The following SLIT3 variants were observed in gnomAD, a reference collection of about 807,000 sequenced individuals.
SLIT3 encodes slit guidance ligand 3.
In SLIT3, 68 loss-of-function variants were observed where a neutral mutation model predicts 184.0. That is an observed-to-expected ratio of 0.37 (90% CI 0.30 to 0.45). SLIT3 has a LOEUF of 0.45. Among genes scored for constraint, SLIT3 ranks in the 20% least tolerant of loss-of-function variants. SLIT3 has a pLI of 1.00. For missense variants in SLIT3, 1,707 were observed against 2,026.0 expected (o/e 0.84, Z 3.02); for synonymous variants, 831 against 828.6 (o/e 1.00, Z -0.05).
Position 168,862,636 on chromosome 5 carries a change from A to C in SLIT3, c.486-17981T>G, listed in dbSNP as rs190809828. 5.9e-5 allele frequency among the ~76,000 whole-genome samples: 9 copies of C among 151,598 alleles called. No individual in the cohort carries two copies. The East Asian group carries it at 1.5e-3, about 26-fold the overall frequency. ...TCTCTAATCTATGTAAATCCTAGAG[A>C]TCACTCAATAGAACATTGGTTTTTT... is the stretch of plus-strand genomic sequence containing the variant. On this transcript the variant is annotated intron_variant, in intron 5 of 35. Coordinates refer to ENST00000519560, the MANE Select transcript of SLIT3 (RefSeq NM_003062.4).
chr5:168,905,108 C>T (rs549539435), intron 4 of SLIT3, among the ~76,000 whole-genome samples: 4 of 152,164 alleles, frequency 2.6e-5, no homozygotes, highest in East Asian at 1.9e-4. Context: ...ACCCGGGAGG[C>T]GGAGGATGCA....
At chr5:169,228,234 G>A (rs1234590671) in intron 3 of SLIT3, among the ~76,000 whole-genome samples, 1 of 152,126 alleles carries the variant, frequency 6.6e-6, no homozygotes. Flanking sequence ...CAGTGCTGAA[G>A]AGCGACTGTG....
In SLIT3 at chr5:168,844,726, C is replaced by A. The variant is rs945996477; in HGVS notation, c.486-71G>T. 1.3e-5 allele frequency: 18 copies of A among 1,438,536 alleles called. No homozygotes were observed. In the Middle Eastern group the frequency reaches 7.3e-4, roughly 58 times the overall value. The allele number at this position is 1,438,536 out of a possible 1,614,324, so 89.1% of individuals were successfully genotyped here. On this transcript the variant is annotated intron_variant, in intron 5 of 35. Transcript: ENST00000519560. ...TGAGGGGCCGGCGGCCCAGGCCACCCGAGCGCCTGTCCCTCCACCCCCTTG... is the reference window on the plus strand; with the variant it reads ...TGAGGGGCCGGCGGCCCAGGCCACCAGAGCGCCTGTCCCTCCACCCCCTTG...
At chr5:168,884,995 G>A (rs1760138683) in intron 4 of SLIT3, among the ~76,000 whole-genome samples, 1 of 152,130 alleles carries the variant, frequency 6.6e-6, no homozygotes, top group Non-Finnish European at 1.5e-5. Flanking sequence ...TTTGGCAGGA[G>A]ACATCAGACG....
chr5:169,230,577 G>A (rs996753195), intron 3 of SLIT3, among the ~76,000 whole-genome samples: 6 of 152,134 alleles, frequency 3.9e-5, no homozygotes, highest in Admixed American at 1.3e-4. Context: ...TTGGAAAAAC[G>A]GAGCTAACAC....
intron 1 of SLIT3, among the ~76,000 whole-genome samples, chr5:169,266,593 GCCACCTACCACCACCCAGACCAGC>G (rs1561776838): frequency 6.6e-6 from 1 of 152,162 alleles, no homozygotes; most frequent in Non-Finnish European, 1.5e-5. Flanking sequence ...TGGATCATAA[GCCACCTACCACCACCCAGACCAGC>G]TCTACTGGAC....
At chr5:169,196,837 T>G (rs1763758311) in intron 3 of SLIT3, among the ~76,000 whole-genome samples, 1 of 152,190 alleles carries the variant, frequency 6.6e-6, no homozygotes, top group Admixed American at 6.5e-5. Context: ...AACCACCCTG[T>G]GTACATTGCC....
intron 4 of SLIT3, among the ~76,000 whole-genome samples, chr5:169,141,199 C>T (rs192014175): frequency 1.4e-3 from 218 of 152,230 alleles, no homozygotes; most frequent in Middle Eastern, 0.01. Context: ...AGGTCTACCC[C>T]GACATGACCC....
chr5:168,822,218 C>A (rs909979274), intron 7 of SLIT3, among the ~76,000 whole-genome samples: 1 of 152,192 alleles, frequency 6.6e-6, no homozygotes, highest in Non-Finnish European at 1.5e-5. Context: ...CTGCTTGGAA[C>A]TTTCAGTCCA....
At chr5:168,736,514 G>A (rs1432693219) in intron 20 of SLIT3, among the ~76,000 whole-genome samples, 2 of 152,226 alleles carry the variant, frequency 1.3e-5, no homozygotes. Flanking sequence ...GGGGAGCATG[G>A]GGGATATGAA....
intron 1 of SLIT3, among the ~76,000 whole-genome samples, chr5:169,283,771 C>T (rs1194544592): frequency 1.3e-5 from 2 of 152,140 alleles, no homozygotes; most frequent in Non-Finnish European, 2.9e-5. Context: ...AAATATGCCA[C>T]CGGAGAAGTG....
intron 4 of SLIT3, among the ~76,000 whole-genome samples, chr5:169,170,400 C>G (rs372535641): frequency 1.1e-3 from 163 of 152,274 alleles, no homozygotes; most frequent in African/African-American, 3.8e-3. Context: ...TCCTGAGGAG[C>G]GAGGAAGAGT....
chr5:169,112,581 C>T (rs1036077964), intron 4 of SLIT3, among the ~76,000 whole-genome samples: 4 of 152,086 alleles, frequency 2.6e-5, no homozygotes, highest in Admixed American at 2.6e-4. Context: ...CTCATTTTTG[C>T]CCCATGGTGG....
intron 14 of SLIT3, among the ~76,000 whole-genome samples, chr5:168,763,592 A>G (rs1209005146): frequency 6.6e-6 from 1 of 152,140 alleles, no homozygotes; most frequent in Middle Eastern, 3.2e-3. Context: ...TTGCACAGTA[A>G]TGGTAATGGG....
chr5:168,892,313 C>T (rs1760495916), intron 4 of SLIT3, among the ~76,000 whole-genome samples: 1 of 152,172 alleles, frequency 6.6e-6, no homozygotes, highest in South Asian at 2.1e-4. Flanking sequence ...TTTACACACA[C>T]CTCAATCTGG....
At chr5:169,108,902 ATCC>A (rs1016385927) in intron 4 of SLIT3, among the ~76,000 whole-genome samples, 2 of 152,224 alleles carry the variant, frequency 1.3e-5, no homozygotes, top group Non-Finnish European at 2.9e-5. Context: ...GACTGTCAGT[ATCC>A]TCATCCACAT....
At chr5:169,280,514 C>T (rs1169492009) in intron 1 of SLIT3, among the ~76,000 whole-genome samples, 1 of 152,146 alleles carries the variant, frequency 6.6e-6, no homozygotes, top group Non-Finnish European at 1.5e-5. Flanking sequence ...GTGTGAGCAG[C>T]CCTTGGACAC....
chr5:168,722,223 T>C lies in SLIT3; in HGVS notation c.2483+33A>G, dbSNP rs144207321. 705 of 1,602,910 alleles carry C rather than the reference T, an allele frequency of 4.4e-4. 2 individuals are homozygous for C. The African/African-American group carries it at 7.7e-3, about 18-fold the overall frequency. On this transcript the variant is annotated intron_variant, in intron 23 of 35. Coordinates refer to ENST00000519560, the MANE Select transcript of SLIT3 (RefSeq NM_003062.4). Reference sequence around the variant, plus strand: ...TGCTTCCTGCTGTCACTCAGCAATGTGTAAGTCAAAATCAGCACATTGGGG... The same window carrying C: ...TGCTTCCTGCTGTCACTCAGCAATGCGTAAGTCAAAATCAGCACATTGGGG...
intron 1 of SLIT3, among the ~76,000 whole-genome samples, chr5:169,279,081 G>A (rs1766912273): frequency 6.6e-6 from 1 of 152,194 alleles, no homozygotes; most frequent in Non-Finnish European, 1.5e-5. Context: ...GAAGACGGCA[G>A]CATTCAGCTT....
Sources: allele counts gnomAD v4.1 joint callset (sites outside exome capture counted in the v4.1 genomes callset), GRCh38; gene constraint gnomAD v4.1.1; transcripts MANE v1.5; gene names NCBI Gene and HGNC (gene_info 2026-07-23, HGNC 2026-07-21).